The following LRP1B variants were observed in gnomAD, a reference collection of about 807,000 sequenced individuals.
LRP1B encodes the protein low-density lipoprotein receptor-related protein 1B.
LRP1B carries 217 observed loss-of-function variants against 556.6 expected under a neutral mutation model. The ratio of observed to expected loss-of-function variants is 0.39; its 90% CI spans 0.35 to 0.44. LRP1B has a LOEUF of 0.44. Among genes scored for constraint, LRP1B ranks in the 20% least tolerant of loss-of-function variants. The pLI is 1.00. For missense variants in LRP1B, 5,053 were observed against 5,620.8 expected (o/e 0.90, Z 3.23); for synonymous variants, 2,047 against 1,865.8 (o/e 1.10, Z -2.50).
intron 3 of LRP1B, among the ~76,000 whole-genome samples, chr2:141,420,674 A>T (rs1680102689): frequency 6.6e-6 from 1 of 152,142 alleles, no homozygotes; most frequent in Admixed American, 6.5e-5. Flanking sequence ...ATAGAACATT[A>T]CATCCATACT....
chr2:141,370,567 A>G (rs1015541137), intron 3 of LRP1B, among the ~76,000 whole-genome samples: 4 of 152,126 alleles, frequency 2.6e-5, no homozygotes, highest in Non-Finnish European at 5.9e-5. Flanking sequence ...TTGAATGTAT[A>G]CTTTACAAAT....
In LRP1B at chr2:140,456,512, A is replaced by G. The variant is rs1687112769; in HGVS notation, c.9906T>C (p.Thr3302=). ...PGKTHTCACP[T]NFYLAADNRT... Reference sequence around the variant, plus strand: ...TATTATCAGCTGCCAGATAGAAGTTAGTGGGACATGCACAAGTGTGGGTTT... The same window carrying G: ...TATTATCAGCTGCCAGATAGAAGTTGGTGGGACATGCACAAGTGTGGGTTT... Residue 3302 remains threonine, a synonymous_variant, in exon 62 of 91, where the codon ACT becomes ACC. Transcript: ENST00000389484. 1.2e-6 allele frequency: 2 copies of G among 1,613,528 alleles called. No individual in the cohort carries two copies. Among genetic ancestry groups the G allele is most frequent in the Non-Finnish European group, 1.7e-6 (2 of 1,179,620 alleles).
Position 140,325,805 on chromosome 2 carries a change from C to A in LRP1B, c.12297G>T (p.Leu4099=), listed in dbSNP as rs764917694. The stretch of plus-strand genomic sequence containing the variant: ...AGACTACTGAATTAGAGCCATCATA[C>A]AGAACACTGCCAATGATGGAGAGCT... ...DFELSIIGSV[L]YDGSNSVVSV... is the part of the protein sequence containing the mutation. The change falls in exon 80 of 91, where the codon CTG becomes CTT. Residue 4099 remains leucine (L), a synonymous_variant. Coordinates refer to ENST00000389484, the MANE Select transcript of LRP1B (RefSeq NM_018557.3). The A allele has an allele frequency of 1.2e-6, 2 of 1,613,016 alleles. No homozygotes were observed. Among genetic ancestry groups the A allele is most frequent in the Non-Finnish European group, 1.7e-6 (2 of 1,179,486 alleles).
intron 32 of LRP1B, among the ~76,000 whole-genome samples, chr2:140,791,347 T>G (rs1690112951): frequency 2.0e-5 from 3 of 152,200 alleles, no homozygotes; most frequent in African/African-American, 2.4e-5. Flanking sequence ...GAGAATCACC[T>G]GAGCCCAGGG....
intron 76 of LRP1B, 43 bp downstream of exon 76, chr2:140,352,910 A>C: frequency 6.4e-7 from 1 of 1,568,854 alleles, no homozygotes; most frequent in Admixed American, 2.0e-5. Context: ...AAATGTTTAC[A>C]ACAAAATTGT....
In LRP1B at chr2:141,692,042, C is replaced by T. The variant is rs1455422813; in HGVS notation, c.205+118237G>A. 3.3e-5 allele frequency among the ~76,000 whole-genome samples: 5 copies of T among 152,000 alleles called. No homozygotes were observed. The South Asian group carries it at 1.0e-3, about 31-fold the overall frequency. ...TCATCCCTTCCTTCAGAAATCCTGT[C>T]AACCAGCACATTGTCTGAATTCTAT... On this transcript the variant is annotated intron_variant, in intron 2 of 90. Transcript: ENST00000389484.
chr2:142,031,287 T>A (rs1183176822), intron 1 of LRP1B, among the ~76,000 whole-genome samples: 1 of 149,478 alleles, frequency 6.7e-6, no homozygotes. Context: ...ACTCAATATA[T>A]CTGGTAAAAA....
At chr2:141,270,186 T>C (rs1685037124) in intron 3 of LRP1B, among the ~76,000 whole-genome samples, 1 of 152,044 alleles carries the variant, frequency 6.6e-6, no homozygotes, top group African/African-American at 2.4e-5. Context: ...AAAAATAGTA[T>C]CACCAATCAT....
intron 2 of LRP1B, among the ~76,000 whole-genome samples, chr2:141,541,415 G>C (rs1364385023): frequency 1.3e-5 from 2 of 152,006 alleles, no homozygotes; most frequent in Non-Finnish European, 2.9e-5. Context: ...CAGTAATTTG[G>C]AAAGCTCTGT....
At chr2:141,052,200 C>T (rs1022861728) in intron 10 of LRP1B, among the ~76,000 whole-genome samples, 9 of 151,892 alleles carry the variant, frequency 5.9e-5, no homozygotes, top group Non-Finnish European at 1.2e-4. Context: ...CCCTCATAGC[C>T]TCTCAGTGTC....
At chr2:140,322,158 A>AATAAGGCGAAATGATT in intron 81 of LRP1B, 70 bp from the exon 82 acceptor site, 1 of 1,394,514 alleles carries the variant, frequency 7.2e-7, no homozygotes, top group Non-Finnish European at 1.0e-6. Context: ...CATAAAATTA[A>AATAAGGCGAAATGATT]ATAAGGCGAA....
chr2:141,755,124 A>C (rs2105578248), intron 2 of LRP1B, among the ~76,000 whole-genome samples: 1 of 152,198 alleles, frequency 6.6e-6, no homozygotes, highest in South Asian at 2.1e-4. Context: ...CTGAAAGGAA[A>C]CTTTTAGAGG....
chr2:140,302,535 C>T (rs1683880038), intron 83 of LRP1B, among the ~76,000 whole-genome samples: 1 of 152,104 alleles, frequency 6.6e-6, no homozygotes. Flanking sequence ...CTAGCCTGGG[C>T]AAAGGGATGC....
At chr2:141,495,803 C>T (rs1396429612) in intron 2 of LRP1B, among the ~76,000 whole-genome samples, 2 of 151,892 alleles carry the variant, frequency 1.3e-5, no homozygotes, top group African/African-American at 4.8e-5. Context: ...TATAAATATA[C>T]ACATATATAT....
chr2:141,531,333 C>T (rs1684864457), intron 2 of LRP1B, among the ~76,000 whole-genome samples: 1 of 152,064 alleles, frequency 6.6e-6, no homozygotes. Flanking sequence ...ACCTGAAAGC[C>T]GTATGTCTAT....
chr2:140,649,735 CAAACTATA>C (rs1684608944), intron 41 of LRP1B, among the ~76,000 whole-genome samples: 1 of 152,182 alleles, frequency 6.6e-6, no homozygotes, highest in African/African-American at 2.4e-5. Flanking sequence ...GTGAATCTAC[CAAACTATA>C]AGAATTAGGA....
At chr2:142,024,283 T>C (rs1703433853) in intron 1 of LRP1B, among the ~76,000 whole-genome samples, 1 of 152,228 alleles carries the variant, frequency 6.6e-6, no homozygotes, top group South Asian at 2.1e-4. Context: ...TCCTAACTCC[T>C]TTTTCAGCAA....
At chr2:140,788,519 T>C (rs1445980972) in intron 32 of LRP1B, among the ~76,000 whole-genome samples, 2 of 152,214 alleles carry the variant, frequency 1.3e-5, no homozygotes, top group East Asian at 3.9e-4. Flanking sequence ...ATCCTTGTAA[T>C]GCAGTGGTCT....
At chr2:140,535,056 G>T (rs7569306) in intron 46 of LRP1B, among the ~76,000 whole-genome samples, 71,036 of 151,970 alleles carry the variant, frequency 0.47, 17,266 homozygotes, top group South Asian at 0.59. Flanking sequence ...GACTGTTTTC[G>T]TATGGCTCTG....
Sources: gnomAD v4.1 joint callset for allele counts (sites outside exome capture counted in the v4.1 genomes callset) on GRCh38, gnomAD v4.1.1 for gene constraint, MANE v1.5 for transcripts, NCBI Gene and HGNC (gene_info 2026-07-23, HGNC 2026-07-21) for gene names.